The following TMEM131L variants were observed in gnomAD, a reference collection of about 807,000 sequenced individuals.
TMEM131L encodes the protein transmembrane 131 like, also known as transmembrane protein 131-like.
TMEM131L carries 54 observed loss-of-function variants against 192.2 expected under a neutral mutation model. The ratio of observed to expected loss-of-function variants is 0.28; its 90% confidence interval spans 0.23 to 0.35. The LOEUF (loss-of-function observed/expected upper bound fraction) is 0.35. Ranked by LOEUF, TMEM131L falls within the 10% of genes least tolerant of loss-of-function variation. The pLI, the probability that TMEM131L is intolerant of heterozygous loss-of-function variation, is 1.00. For synonymous variants in TMEM131L, 701 were observed against 704.9 expected (o/e 0.99, Z 0.09); for missense variants, 1,888 against 1,972.9 (o/e 0.96, Z 0.82).
At chr4:153,499,811 C>A (rs545513997) in intron 3 of TMEM131L, among the ~76,000 whole-genome samples, 1 of 152,318 alleles carries the variant, frequency 6.6e-6, no homozygotes, top group East Asian at 1.9e-4. Context: ...AACTGACTTT[C>A]CATTTTTGAG....
At chr4:153,598,268 T>G (rs1160355703) in intron 20 of TMEM131L, among the ~76,000 whole-genome samples, 1 of 152,036 alleles carries the variant, frequency 6.6e-6, no homozygotes, top group Non-Finnish European at 1.5e-5. Flanking sequence ...GAATGTCTGA[T>G]CACTACCCTG....
At chr4:153,596,205 A>G (rs943920602) in intron 19 of TMEM131L, 53 bp from the exon 20 acceptor site, 81 of 1,603,290 alleles carry the variant, frequency 5.1e-5, no homozygotes, top group Admixed American at 3.3e-4. Flanking sequence ...ACTTAATGAC[A>G]ATGGAAGCTT....
At chr4:153,620,916 A>G in intron 27 of TMEM131L, 36 bp downstream of exon 27, 2 of 1,526,882 alleles carry the variant, frequency 1.3e-6, no homozygotes, top group Non-Finnish European at 8.8e-7. Context: ...ATTTTGATCT[A>G]TTTTTCACTT....
chr4:153,504,091 C>T lies in TMEM131L; in HGVS notation c.239+30203C>T, dbSNP rs548367092. ...ACGCCATTCTCCTGCCTCAGCCTCCCGAGTAGCTGGGACTACAGGCGCCCG... is the reference window on the plus strand; with the variant it reads ...ACGCCATTCTCCTGCCTCAGCCTCCTGAGTAGCTGGGACTACAGGCGCCCG... On this transcript the variant is annotated intron_variant, in intron 3 of 34. Transcript: ENST00000409959. 7.2e-3 allele frequency among the ~76,000 whole-genome samples: 1,076 copies of T among 148,896 alleles called. 10 individuals are homozygous for T. The highest frequency in any genetic ancestry group is 0.024 in the African/African-American group (963 of 40,490).
intron 3 of TMEM131L, among the ~76,000 whole-genome samples, chr4:153,513,930 A>C (rs1734532758): frequency 6.6e-6 from 1 of 152,210 alleles, no homozygotes; most frequent in African/African-American, 2.4e-5. Flanking sequence ...ATTATAACAA[A>C]ATTGATTAAA....
At chr4:153,568,543 G>A (rs1040040404) in intron 7 of TMEM131L, among the ~76,000 whole-genome samples, 12 of 152,172 alleles carry the variant, frequency 7.9e-5, no homozygotes, top group African/African-American at 2.6e-4. Context: ...GAATTTTTCT[G>A]TACTAGATTT....
At chr4:153,580,954 C>A (rs1477861662) in intron 8 of TMEM131L, 51 bp downstream of exon 8, 4 of 1,326,158 alleles carry the variant, frequency 3.0e-6, no homozygotes, top group East Asian at 4.6e-5. Flanking sequence ...TGCCTCTTTG[C>A]TTAAAAATAA....
chr4:153,562,118 A>G (rs546329640), intron 7 of TMEM131L, among the ~76,000 whole-genome samples: 88 of 151,866 alleles, frequency 5.8e-4, no homozygotes, highest in Non-Finnish European at 1.1e-3. Flanking sequence ...GCTCACTGCA[A>G]CCTCCGCCTC....
chr4:153,532,437 C>CTT (rs368571390), intron 3 of TMEM131L, among the ~76,000 whole-genome samples: 2 of 137,770 alleles, frequency 1.5e-5, no homozygotes, highest in Non-Finnish European at 3.2e-5. Flanking sequence ...GCTATTAGTG[C>CTT]TTTTTTTTTA....
chr4:153,557,199 TACAAG>T, intron 6 of TMEM131L, 117 bp downstream of exon 6: 1 of 651,352 alleles, frequency 1.5e-6, no homozygotes, highest in South Asian at 1.8e-5. Flanking sequence ...GTCGTTAAAA[TACAAG>T]ACTGTTAGTG....
chr4:153,497,989 G>A (rs910689361), intron 3 of TMEM131L, among the ~76,000 whole-genome samples: 3 of 151,830 alleles, frequency 2.0e-5, no homozygotes, highest in Non-Finnish European at 2.9e-5. Context: ...GCAGAGATCC[G>A]TGTGTAAGCA....
intron 7 of TMEM131L, among the ~76,000 whole-genome samples, chr4:153,564,854 C>T (rs1443768576): frequency 6.6e-6 from 1 of 152,224 alleles, no homozygotes; most frequent in Non-Finnish European, 1.5e-5. Context: ...CTTTGCTTGG[C>T]ATACAAGGTC....
intron 31 of TMEM131L, chr4:153,632,437 A>G (rs1734276225): frequency 2.7e-6 from 1 of 371,700 alleles, no homozygotes; most frequent in Non-Finnish European, 5.0e-6. Flanking sequence ...TATCCTCAGT[A>G]TCTTTAATGG....
intron 21 of TMEM131L, 194 bp from the exon 22 acceptor site, chr4:153,601,958 A>G (rs1287772380): frequency 1.8e-5 from 7 of 392,460 alleles, no homozygotes; most frequent in Non-Finnish European, 3.1e-5. Context: ...TATCTCTGTT[A>G]TATCCTAGAA....
At chr4:153,620,944 C>A in intron 27 of TMEM131L, 64 bp downstream of exon 27, 1 of 1,347,056 alleles carries the variant, frequency 7.4e-7, no homozygotes, top group Non-Finnish European at 1.0e-6. Context: ...TTGCATTTGG[C>A]TATTCACTTT....
intron 7 of TMEM131L, among the ~76,000 whole-genome samples, chr4:153,580,114 A>G (rs748001206): frequency 8.6e-5 from 13 of 151,938 alleles, no homozygotes; most frequent in Non-Finnish European, 8.8e-5. Flanking sequence ...GCACTGAGTA[A>G]CTTTTTGCTG....
intron 25 of TMEM131L, among the ~76,000 whole-genome samples, chr4:153,610,852 G>C (rs1374454199): frequency 6.6e-6 from 1 of 152,166 alleles, no homozygotes; most frequent in Non-Finnish European, 1.5e-5. Context: ...CCTGCAGTCT[G>C]CTTTGCTGGG....
At chr4:153,582,740 C>T (rs769079430) in intron 9 of TMEM131L, among the ~76,000 whole-genome samples, 27 of 152,176 alleles carry the variant, frequency 1.8e-4, no homozygotes, top group Non-Finnish European at 3.1e-4. Flanking sequence ...ATGGGGACCA[C>T]TTCTGTGGGT....
In TMEM131L at chr4:153,591,171, G is replaced by A. The variant is rs200596505; in HGVS notation, c.1789G>A (p.Ala597Thr). Residue 597 changes from alanine to threonine, a missense_variant, in exon 17 of 35, where the codon GCA (alanine) becomes ACA (threonine). Transcript: ENST00000409959. ...GCCTGGCCTCATGTTAAACTTCAGC[G>A]CAACTGCCCTTAGGAGCAGGATGGT... ...AEPGLMLNFSATALRSRMIKY... is the reference protein window; with the variant it reads ...AEPGLMLNFSTTALRSRMIKY... 71 of 1,606,646 alleles carry A rather than the reference G, an allele frequency of 4.4e-5. No homozygotes were observed. The highest frequency in any genetic ancestry group is 6.7e-5 in the Admixed American group (4 of 59,412).
Sources: allele counts gnomAD v4.1 joint callset (sites outside exome capture counted in the v4.1 genomes callset), GRCh38; gene constraint gnomAD v4.1.1; transcripts MANE v1.5; gene names NCBI Gene and HGNC (gene_info 2026-07-23, HGNC 2026-07-21).